Variants in ATP1A2 observed in about 807,000 individuals in gnomAD.
The protein encoded by ATP1A2 is ATPase Na+/K+ transporting subunit alpha 2, also known as sodium/potassium-transporting ATPase subunit alpha-2.
Under a neutral mutation model 113.1 loss-of-function variants are expected in ATP1A2, and 56 were observed. The observed-to-expected ratio is 0.49, with a 90% CI of 0.40 to 0.62. The LOEUF (loss-of-function observed/expected upper bound fraction) is 0.62. ATP1A2 is among the 20% of genes least tolerant of loss of function. The pLI, the probability that ATP1A2 is intolerant of heterozygous loss-of-function variation, is 0.00. For synonymous variants in ATP1A2, 490 were observed against 526.8 expected (o/e 0.93, Z 0.96); for missense variants, 712 against 1,357.8 (o/e 0.52, Z 7.47).
chr1:160,130,217 C>T lies in ATP1A2; in HGVS notation c.1577C>T (p.Pro526Leu), dbSNP rs764078366. Reference protein sequence around the residue: ...STILVQGKEIPLDKEMQDAFQ... With the variant: ...STILVQGKEILLDKEMQDAFQ... ...ATCCTGGTGCAGGGCAAGGAGATCC[C>T]GCTCGACAAGGAGATGCAAGATGCC... The change falls in exon 12 of 23, where the codon CCG becomes CTG. Residue 526 changes from proline to leucine, a missense_variant. Around this residue, in one of 6 missense-constraint regions of ATP1A2, gnomAD observed 263 missense variants for 380.6 expected, o/e 0.69. Coordinates refer to ENST00000361216, the MANE Select transcript of ATP1A2 (RefSeq NM_000702.4). 6.2e-6 allele frequency: 10 copies of T among 1,614,066 alleles called. No individual in the cohort carries two copies. The highest frequency in any genetic ancestry group is 5.5e-5 in the South Asian group (5 of 91,090).
chr1:160,122,425 A>ATG (rs1220175644), intron 3 of ATP1A2, among the ~76,000 whole-genome samples: 7 of 151,876 alleles, frequency 4.6e-5, no homozygotes, highest in Non-Finnish European at 1.0e-4. Flanking sequence ...TGAATGAAAA[A>ATG]AAAAAAAAAA....
chr1:160,133,679 C>A (rs1651833858), intron 13 of ATP1A2, among the ~76,000 whole-genome samples: 1 of 151,994 alleles, frequency 6.6e-6, no homozygotes, highest in African/African-American at 2.4e-5. Flanking sequence ...ACACTAAGAA[C>A]CTCATGTCCT....
At position 160,139,927 on chromosome 1, in the gene ATP1A2, C is replaced by T. The variant is rs1303848624; in HGVS notation, c.2977C>T (p.Leu993Phe). 2.7e-5 allele frequency: 43 copies of T among 1,614,082 alleles called. No individual in the cohort carries two copies. Among genetic ancestry groups the T allele is most frequent in the Non-Finnish European group, 3.4e-5 (40 of 1,180,048 alleles). Residue 993 changes from leucine (L) to phenylalanine (F), a missense_variant, in exon 22 of 23, where the codon CTC becomes TTC. By Grantham distance (22) the Leu-to-Phe change is conservative. Around this residue, in one of 6 missense-constraint regions of ATP1A2, gnomAD observed 188 missense variants for 438.9 expected, o/e 0.43. Coordinates refer to ENST00000361216, the MANE Select transcript of ATP1A2 (RefSeq NM_000702.4). ...TWWFCAFPYS[L>F]LIFIYDEVRK... ...GTGGTTCTGCGCCTTCCCCTACAGC[C>T]TCCTCATCTTCATCTATGATGAGGT...
intron 17 of ATP1A2, 94 bp from the exon 18 acceptor site, chr1:160,136,153 G>A (rs1271421338): frequency 3.1e-6 from 5 of 1,603,972 alleles, no homozygotes; most frequent in African/African-American, 1.3e-5. Flanking sequence ...TTTTTTAACT[G>A]TGTCAACGAT....
rs1013340277 is a variant in ATP1A2, at chr1:160,141,543, TC to T, written c.*227del. On this transcript the variant is annotated 3_prime_UTR_variant, in exon 23 of 23. Transcript: ENST00000361216. ...TCAGATTAGACACTATGTGTTAGAG[TC>T]CCCCCGACCAGATCCTTTTCCATCC... 11 of 626,034 alleles carry T rather than the reference TC, an allele frequency of 1.8e-5. No individual in the cohort carries two copies. The highest frequency in any genetic ancestry group is 1.1e-4 in the African/African-American group (6 of 55,002). 38.8% of individuals were successfully genotyped at this position (626,034 alleles called of 1,614,324 possible).
At position 160,141,890 on chromosome 1, in the gene ATP1A2, G is replaced by C. The variant is rs896076329; in HGVS notation, c.*568G>C. The C allele has an allele frequency of 6.1e-6, 1 of 163,908 alleles. No homozygotes were observed. Among genetic ancestry groups the C allele is most frequent in the South Asian group, 1.7e-4 (1 of 6,054 alleles). 10.2% of individuals were successfully genotyped at this position (163,908 alleles called of 1,614,324 possible). ...GTCGAGGCTGGTAAGGGACCTTCAG[G>C]GAGAGCTGGGCAGACAGGTGGGAGA... On this transcript the variant is annotated 3_prime_UTR_variant, in exon 23 of 23. Coordinates refer to ENST00000361216, the MANE Select transcript of ATP1A2 (RefSeq NM_000702.4).
chr1:160,125,530 T>C (rs1199444963), intron 7 of ATP1A2: 18 of 478,960 alleles, frequency 3.8e-5, no homozygotes, highest in Non-Finnish European at 5.8e-5. Flanking sequence ...AGGTATTGGG[T>C]TAAGAACCCC....
chr1:160,132,925 C>T (rs1192248392), intron 13 of ATP1A2, among the ~76,000 whole-genome samples: 1 of 152,036 alleles, frequency 6.6e-6, no homozygotes, highest in South Asian at 2.1e-4. Flanking sequence ...CAAGAGGAAC[C>T]AGTGAGGAGG....
intron 8 of ATP1A2, chr1:160,128,273 C>T (rs766296035): frequency 8.8e-6 from 4 of 452,998 alleles, no homozygotes; most frequent in Non-Finnish European, 1.7e-5. Flanking sequence ...CTCCTCTGTC[C>T]CTTCCTGCTC....
intron 11 of ATP1A2, 23 bp downstream of exon 11, chr1:160,129,423 G>A (rs1312530627): frequency 1.2e-6 from 2 of 1,608,902 alleles, no homozygotes; most frequent in Non-Finnish European, 1.7e-6. Context: ...TGCCAGGACA[G>A]AGGAAGAGAG....
chr1:160,131,755 C>T (rs1438892094), intron 13 of ATP1A2, among the ~76,000 whole-genome samples: 4 of 151,556 alleles, frequency 2.6e-5, no homozygotes, highest in African/African-American at 4.9e-5. Context: ...CACTTGAACC[C>T]GGGAGGCAGA....
chr1:160,125,763 C>T (rs1399546636), intron 7 of ATP1A2, among the ~76,000 whole-genome samples: 1 of 152,220 alleles, frequency 6.6e-6, no homozygotes, highest in Non-Finnish European at 1.5e-5. Flanking sequence ...ACCTTTGTTA[C>T]ATCAAAAGAC....
chr1:160,116,627 G>T (rs770374852), intron 1 of ATP1A2, among the ~76,000 whole-genome samples: 14 of 152,126 alleles, frequency 9.2e-5, no homozygotes, highest in Non-Finnish European at 1.6e-4. Context: ...CGGGCAGGGA[G>T]AGGGCTTTGA....
intron 11 of ATP1A2, 134 bp downstream of exon 11, chr1:160,129,534 C>A: frequency 7.4e-7 from 1 of 1,350,600 alleles, no homozygotes; most frequent in Non-Finnish European, 1.0e-6. Context: ...CTAAGTCCCC[C>A]AGGACAGCTC....
chr1:160,130,131 C>T lies in ATP1A2; in HGVS notation c.1491C>T (p.Pro497=), dbSNP rs774588047. Residue 497 remains proline, a synonymous_variant, in exon 12 of 23, where the codon CCC becomes CCT. Transcript: ENST00000361216. ...QLSIHEREDS[P]QSHVLVMKGA... ...CTATCCACGAGCGAGAAGACAGCCC[C>T]CAGAGCCACGTGCTGGTGATGAAGG... 2.5e-6 allele frequency: 4 copies of T among 1,614,106 alleles called. No individual in the cohort carries two copies. The African/African-American group carries it at 5.3e-5, about 22-fold the overall frequency.
chr1:160,142,444 T>C lies in ATP1A2; in HGVS notation c.*1122T>C, dbSNP rs1016998328. On this transcript the variant is annotated 3_prime_UTR_variant, in exon 23 of 23. Coordinates refer to ENST00000361216, the MANE Select transcript of ATP1A2 (RefSeq NM_000702.4). ...AACCTTCCTGTCTCCCAGGGACATGTATGCTTCCAGGGACAAGCTTAGGTC... is the reference window on the plus strand; with the variant it reads ...AACCTTCCTGTCTCCCAGGGACATGCATGCTTCCAGGGACAAGCTTAGGTC... 6.6e-6 allele frequency: 1 copy of C among 152,212 alleles called. No individual in the cohort carries two copies. Among genetic ancestry groups the C allele is most frequent in the Non-Finnish European group, 1.5e-5 (1 of 68,046 alleles). The allele number at this position is 152,212 out of a possible 1,614,324, so 9.4% of individuals were successfully genotyped here.
intron 3 of ATP1A2, among the ~76,000 whole-genome samples, chr1:160,121,956 A>G (rs895452547): frequency 1.2e-4 from 18 of 152,116 alleles, no homozygotes; most frequent in African/African-American, 4.3e-4. Flanking sequence ...ACATGGCAAA[A>G]CCCCATCTCC....
Position 160,115,968 on chromosome 1 carries a change from G to A in ATP1A2, c.12+95G>A, listed in dbSNP as rs546037926. The A allele has an allele frequency of 2.0e-5, 30 of 1,524,818 alleles. No individual in the cohort carries two copies. The African/African-American group carries it at 2.9e-4, about 15-fold the overall frequency. 94.5% of individuals were successfully genotyped at this position (1,524,818 alleles called of 1,614,324 possible). A position where few individuals can be genotyped will look rare whatever the true frequency, so the allele number is the denominator to read the frequency against. ...GGAATGGGATGTGGAAGGAGCGGGA[G>A]AGAGGAGCTGAGTGGGATACTTGGA... is the stretch of plus-strand genomic sequence containing the variant. On this transcript the variant is annotated intron_variant, in intron 1 of 22. Coordinates refer to ENST00000361216, the MANE Select transcript of ATP1A2 (RefSeq NM_000702.4).
At chr1:160,125,037 G>A in intron 6 of ATP1A2, 99 bp from the exon 7 acceptor site, 1 of 927,496 alleles carries the variant, frequency 1.1e-6, no homozygotes, top group Non-Finnish European at 1.8e-6. Flanking sequence ...TGTTCCTCGT[G>A]TCATGAAGAT....
Sources: gnomAD v4.1 joint callset for allele counts (sites outside exome capture counted in the v4.1 genomes callset) on GRCh38, gnomAD v4.1.1 for gene constraint, gnomAD v4.1.1 regional missense constraint, MANE v1.5 for transcripts, NCBI Gene and HGNC (gene_info 2026-07-23, HGNC 2026-07-21) for gene names.